Variants in ATRNL1 observed in about 807,000 individuals in gnomAD.
The protein encoded by ATRNL1 is attractin-like protein 1.
In ATRNL1, 95 loss-of-function variants were observed where a neutral mutation model predicts 182.7. That is an observed-to-expected ratio of 0.52 (90% CI 0.44 to 0.62). The LOEUF (loss-of-function observed/expected upper bound fraction) is 0.62. ATRNL1 is among the 20% of genes least tolerant of loss of function. The pLI is 0.00. For synonymous variants in ATRNL1, 576 were observed against 568.3 expected, an observed-to-expected ratio of 1.01 and a Z score of -0.19; for missense variants, 1,471 against 1,679.5, an observed-to-expected ratio of 0.88 and a Z score of 2.17.
chr10:115,435,879 T>A (rs2134428688), intron 21 of ATRNL1, among the ~76,000 whole-genome samples: 1 of 152,318 alleles, frequency 6.6e-6, no homozygotes, highest in Admixed American at 6.5e-5. Flanking sequence ...TACCTTGTTT[T>A]ATTGGATCTC....
At chr10:115,240,038 G>C (rs1436303326) in intron 9 of ATRNL1, among the ~76,000 whole-genome samples, 1 of 152,118 alleles carries the variant, frequency 6.6e-6, no homozygotes, top group Non-Finnish European at 1.5e-5. Flanking sequence ...GTGTGAGGCA[G>C]GCGTGAGGGG....
chr10:115,619,620 A>G (rs929309982), intron 26 of ATRNL1, among the ~76,000 whole-genome samples: 7 of 152,184 alleles, frequency 4.6e-5, no homozygotes, highest in Admixed American at 3.9e-4. Context: ...ATGAATTTAA[A>G]AGTATAGAAT....
intron 26 of ATRNL1, among the ~76,000 whole-genome samples, chr10:115,624,438 A>G (rs1320140636): frequency 6.6e-6 from 1 of 152,206 alleles, no homozygotes; most frequent in East Asian, 1.9e-4. Flanking sequence ...AAGACTTGAT[A>G]TTAACATTAT....
chr10:115,548,865 C>T (rs1236063275), intron 25 of ATRNL1, among the ~76,000 whole-genome samples: 1 of 152,056 alleles, frequency 6.6e-6, no homozygotes, highest in Non-Finnish European at 1.5e-5. Context: ...AACACCCCTG[C>T]ACTCCTCTCC....
intron 26 of ATRNL1, among the ~76,000 whole-genome samples, chr10:115,578,949 A>AT (rs1422595692): frequency 6.6e-6 from 1 of 151,020 alleles, no homozygotes; most frequent in East Asian, 1.9e-4. Context: ...ATAGTTTTTG[A>AT]TTTTTTTCTT....
At chr10:115,724,058 CA>C (rs11349289) in intron 26 of ATRNL1, among the ~76,000 whole-genome samples, 55,812 of 151,996 alleles carry the variant, frequency 0.37, 11,000 homozygotes, top group Admixed American at 0.54. Context: ...GAATAATTGG[CA>C]ATAGCAGATT....
chr10:115,937,105 C>G (rs1020838976), intron 28 of ATRNL1, among the ~76,000 whole-genome samples: 1 of 152,206 alleles, frequency 6.6e-6, no homozygotes, highest in East Asian at 1.9e-4. Context: ...TCAGCACATT[C>G]TACCCAATGA....
chr10:115,287,947 T>A (rs1416959957), intron 15 of ATRNL1, among the ~76,000 whole-genome samples: 13 of 110,738 alleles, frequency 1.2e-4, no homozygotes, highest in African/African-American at 3.8e-4. Context: ...TTTTTTTTTT[T>A]AGCTTCCACT....
intron 1 of ATRNL1, among the ~76,000 whole-genome samples, chr10:115,118,467 G>A (rs1844587099): frequency 1.3e-5 from 2 of 152,094 alleles, no homozygotes; most frequent in African/African-American, 2.4e-5. Context: ...GGCAGTTCTG[G>A]CAGCACCATA....
intron 13 of ATRNL1, among the ~76,000 whole-genome samples, chr10:115,275,163 G>GT (rs1554914495): frequency 6.6e-6 from 1 of 152,152 alleles, no homozygotes; most frequent in Non-Finnish European, 1.5e-5. Flanking sequence ...AGGAACCGGT[G>GT]TGAGTTTTCT....
At chr10:115,375,765 G>T (rs1039325417) in intron 19 of ATRNL1, among the ~76,000 whole-genome samples, 1 of 151,938 alleles carries the variant, frequency 6.6e-6, no homozygotes, top group South Asian at 2.1e-4. Flanking sequence ...TGTAATTGAT[G>T]TCAACTTATT....
At chr10:115,523,095 AATAC>A (rs1388488484) in intron 25 of ATRNL1, among the ~76,000 whole-genome samples, 7 of 151,990 alleles carry the variant, frequency 4.6e-5, no homozygotes, top group Non-Finnish European at 7.4e-5. Flanking sequence ...CAGGCTTTTC[AATAC>A]ATCCCCTGAA....
chr10:115,681,664 A>G (rs4751923), intron 26 of ATRNL1, among the ~76,000 whole-genome samples: 53,151 of 151,908 alleles, frequency 0.35, 10,109 homozygotes, highest in East Asian at 0.6. Context: ...TCATGTCATA[A>G]TCAACTGAGG....
At chr10:115,652,741 T>C (rs1219081338) in intron 26 of ATRNL1, among the ~76,000 whole-genome samples, 1 of 152,112 alleles carries the variant, frequency 6.6e-6, no homozygotes, top group Non-Finnish European at 1.5e-5. Flanking sequence ...TATATATTAT[T>C]AATCCTAAAA....
chr10:115,230,997 A>C (rs1375453732), intron 9 of ATRNL1, among the ~76,000 whole-genome samples: 3 of 151,356 alleles, frequency 2.0e-5, no homozygotes, highest in Non-Finnish European at 2.9e-5. Context: ...ATTAGTTGGG[A>C]TGATGAATTT....
At chr10:115,621,023 A>G (rs1332669250) in intron 26 of ATRNL1, among the ~76,000 whole-genome samples, 2 of 151,826 alleles carry the variant, frequency 1.3e-5, no homozygotes, top group Non-Finnish European at 2.9e-5. Flanking sequence ...TATCATTGGA[A>G]TGCCATTAGA....
intron 28 of ATRNL1, among the ~76,000 whole-genome samples, chr10:115,912,992 G>A (rs1459732088): frequency 1.3e-5 from 2 of 152,110 alleles, no homozygotes; most frequent in African/African-American, 4.8e-5. Flanking sequence ...ACCTACCTTA[G>A]CAGACAAATT....
At chr10:115,209,590 T>C (rs1848941570) in intron 8 of ATRNL1, among the ~76,000 whole-genome samples, 1 of 151,728 alleles carries the variant, frequency 6.6e-6, no homozygotes, top group South Asian at 2.1e-4. Flanking sequence ...TTTTCACCAC[T>C]GTCTTTTCTC....
At chr10:115,429,219 T>A (rs1592644375) in intron 21 of ATRNL1, among the ~76,000 whole-genome samples, 1 of 152,250 alleles carries the variant, frequency 6.6e-6, no homozygotes, top group East Asian at 1.9e-4. Context: ...TTTCTACTCT[T>A]GTTTGATATA....
Sources: gnomAD v4.1 joint callset for allele counts (sites outside exome capture counted in the v4.1 genomes callset) on GRCh38, gnomAD v4.1.1 for gene constraint, MANE v1.5 for transcripts, NCBI Gene and HGNC (gene_info 2026-07-23, HGNC 2026-07-21) for gene names.